Variants in PYGB observed in about 807,000 individuals in gnomAD.
The protein encoded by PYGB is glycogen phosphorylase, brain form.
Under a neutral mutation model 94.3 loss-of-function variants are expected in PYGB, and 82 were observed. The observed-to-expected ratio is 0.87, with a 90% CI of 0.73 to 1.04. The LOEUF is 1.04. Ranked by LOEUF, PYGB falls within the 50% of genes least tolerant of loss-of-function variation. The pLI is 0.00. For synonymous variants in PYGB, 488 were observed against 479.1 expected, an observed-to-expected ratio of 1.02 and a Z score of -0.24; for missense variants, 1,132 against 1,158.2, an observed-to-expected ratio of 0.98 and a Z score of 0.33.
Position 25,281,110 on chromosome 20 carries a change from G to A in PYGB, c.1401G>A (p.Ser467=), listed in dbSNP as rs555855554. The change falls in exon 11 of 20, where the codon TCG becomes TCA. Residue 467 remains serine (S), a splice_region_variant and synonymous_variant. Transcript: ENST00000216962. ...TCCACTCGGAGATCGTGAAACAGTC[G>A]GTGTGAGTGGGGCGCTTGCCCGAGC... The part of the protein sequence containing the change: ...ARIHSEIVKQ[S]VFKDFYELEP... The A allele has an allele frequency of 5.6e-6, 9 of 1,614,062 alleles. No individual in the cohort carries two copies. The East Asian group carries it at 6.7e-5, about 12-fold the overall frequency.
At chr20:25,288,613 T>G (rs1568697800) in intron 15 of PYGB, 130 bp downstream of exon 15, 1 of 1,071,798 alleles carries the variant, frequency 9.3e-7, no homozygotes, top group Non-Finnish European at 1.4e-6. Context: ...CACCGGCCCC[T>G]CTGGTATGCC....
At chr20:25,262,539 A>C (rs528320124) in intron 2 of PYGB, among the ~76,000 whole-genome samples, 1 of 152,346 alleles carries the variant, frequency 6.6e-6, no homozygotes, top group South Asian at 2.1e-4. Flanking sequence ...AATTGTAAAG[A>C]CCATCAAAGC....
At chr20:25,263,282 C>G (rs958606595) in intron 2 of PYGB, among the ~76,000 whole-genome samples, 5 of 152,184 alleles carry the variant, frequency 3.3e-5, no homozygotes, top group African/African-American at 1.2e-4. Context: ...GACCACAGTG[C>G]AATCAAACTA....
chr20:25,279,984 G>A (rs1164921614), intron 9 of PYGB, among the ~76,000 whole-genome samples: 1 of 152,242 alleles, frequency 6.6e-6, no homozygotes, highest in Non-Finnish European at 1.5e-5. Context: ...GAGTGTGAAG[G>A]TGACTCCAGG....
chr20:25,291,141 C>T (rs1307191364), intron 16 of PYGB, among the ~76,000 whole-genome samples: 6 of 152,206 alleles, frequency 3.9e-5, no homozygotes, highest in African/African-American at 1.4e-4. Flanking sequence ...CATCCTTGCT[C>T]CTCACTGCCT....
At chr20:25,282,723 G>A (rs941472725) in intron 12 of PYGB, among the ~76,000 whole-genome samples, 4 of 152,230 alleles carry the variant, frequency 2.6e-5, no homozygotes, top group African/African-American at 9.6e-5. Context: ...CGTGGCTCCT[G>A]TGCAGTCTGA....
chr20:25,263,658 T>A lies in PYGB; in HGVS notation c.345+4320T>A, dbSNP rs1038037294. Among the ~76,000 whole-genome samples the A allele has an allele frequency of 2.0e-5, 3 of 152,134 alleles. No individual in the cohort carries two copies. The South Asian group carries it at 6.2e-4, about 32-fold the overall frequency. On this transcript the variant is annotated intron_variant, in intron 2 of 19. Transcript: ENST00000216962. ...TCAGAGAATACTATAAACACCTCTA[T>A]GCAAATAAACTAGAAAATCTAGAGG...
intron 2 of PYGB, among the ~76,000 whole-genome samples, chr20:25,266,155 G>T (rs926964407): frequency 6.6e-6 from 1 of 152,116 alleles, no homozygotes; most frequent in African/African-American, 2.4e-5. Flanking sequence ...CTGGCTGATA[G>T]TATCTTTTGA....
intron 19 of PYGB, 110 bp from the exon 20 acceptor site, chr20:25,296,260 C>G: frequency 1.5e-6 from 2 of 1,378,018 alleles, no homozygotes; most frequent in Middle Eastern, 1.8e-4. Context: ...AGCGGATGGC[C>G]CCAAGGCTCG....
At chr20:25,271,941 C>G (rs1192308807) in intron 4 of PYGB, among the ~76,000 whole-genome samples, 2 of 152,198 alleles carry the variant, frequency 1.3e-5, no homozygotes, top group Non-Finnish European at 2.9e-5. Context: ...CCTTCACTCC[C>G]TGACCCCAGT....
intron 1 of PYGB, among the ~76,000 whole-genome samples, chr20:25,256,900 C>G (rs1410526431): frequency 6.6e-6 from 1 of 152,196 alleles, no homozygotes; most frequent in African/African-American, 2.4e-5. Context: ...TGGCAACTTT[C>G]TAGGCTTTGC....
intron 19 of PYGB, 118 bp from the exon 20 acceptor site, chr20:25,296,252 C>T (rs1242782584): frequency 1.8e-5 from 23 of 1,266,128 alleles, no homozygotes; most frequent in East Asian, 4.8e-5. Flanking sequence ...CCTCTTCCAG[C>T]GGATGGCCCC....
intron 1 of PYGB, among the ~76,000 whole-genome samples, chr20:25,249,954 A>G (rs935547727): frequency 6.6e-6 from 1 of 151,974 alleles, no homozygotes; most frequent in Non-Finnish European, 1.5e-5. Flanking sequence ...GGTTCAAGCA[A>G]TTCTCCTGCC....
chr20:25,288,009 G>A (rs2088432542), intron 14 of PYGB, among the ~76,000 whole-genome samples: 1 of 152,178 alleles, frequency 6.6e-6, no homozygotes, highest in African/African-American at 2.4e-5. Flanking sequence ...AAACCCACAA[G>A]TGTGCCCTTC....
chr20:25,277,133 G>A (rs2088319977), intron 6 of PYGB, 111 bp from the exon 7 acceptor site: 3 of 792,180 alleles, frequency 3.8e-6, no homozygotes, highest in Non-Finnish European at 4.3e-6. Context: ...GCGGCTGGGG[G>A]AGTCCTGTGC....
chr20:25,290,086 G>A (rs371389897), intron 15 of PYGB, among the ~76,000 whole-genome samples: 2 of 152,302 alleles, frequency 1.3e-5, no homozygotes, highest in South Asian at 4.1e-4. Context: ...TACAGACATC[G>A]GGTTGTCTGT....
rs760939540 is a variant in PYGB at position 25,284,210 on chromosome 20, G to A, written c.1727G>A (p.Arg576Gln). 7.4e-6 allele frequency: 12 copies of A among 1,614,080 alleles called. No individual in the cohort carries two copies. Among genetic ancestry groups the A allele is most frequent in the South Asian group, 3.3e-5 (3 of 91,060 alleles). Residue 576 changes from arginine (R) to glutamine (Q), a missense_variant, in exon 14 of 20, where the codon CGG becomes CAG. By Grantham distance (43) the Arg-to-Gln change is conservative. Transcript: ENST00000216962. The stretch of plus-strand genomic sequence containing the variant: ...GTGAAGAGGATCCACGAGTACAAGC[G>A]GCAGCTGCTCAACTGCCTGCACGTC... ...VHVKRIHEYK[R>Q]QLLNCLHVVT...
intron 1 of PYGB, among the ~76,000 whole-genome samples, chr20:25,254,993 T>A (rs998542082): frequency 1.3e-5 from 2 of 152,220 alleles, no homozygotes; most frequent in Non-Finnish European, 2.9e-5. Flanking sequence ...GAGTCGTAGG[T>A]ACTGGAGTGA....
At chr20:25,289,178 G>C (rs1203340543) in intron 15 of PYGB, among the ~76,000 whole-genome samples, 3 of 152,178 alleles carry the variant, frequency 2.0e-5, no homozygotes, top group Non-Finnish European at 4.4e-5. Flanking sequence ...TGGTCAGAGG[G>C]GTGGGCACTC....
Sources: allele counts gnomAD v4.1 joint callset (sites outside exome capture counted in the v4.1 genomes callset), GRCh38; gene constraint gnomAD v4.1.1; transcripts MANE v1.5; gene names NCBI Gene and HGNC (gene_info 2026-07-23, HGNC 2026-07-21).